RSPO1: variants seen among roughly 807,000 people sequenced by gnomAD.
RSPO1 encodes R-spondin-1.
In RSPO1, 18 loss-of-function variants were observed where a neutral mutation model predicts 26.0. That is an observed-to-expected ratio of 0.69 (90% CI 0.48 to 1.03). The LOEUF is 1.03. Among genes scored for constraint, RSPO1 ranks in the 50% least tolerant of loss-of-function variants. The pLI is 0.00. For synonymous variants in RSPO1, 133 were observed against 137.4 expected (o/e 0.97, Z 0.22); for missense variants, 309 against 352.3 (o/e 0.88, Z 0.98).
intron 5 of RSPO1, 86 bp downstream of exon 5, chr1:37,614,098 G>T: frequency 6.7e-7 from 1 of 1,500,262 alleles, no homozygotes; most frequent in Non-Finnish European, 9.1e-7. Context: ...CAGTGCCCCA[G>T]CCCACCCGCT....
At chr1:37,626,681 G>A (rs553862037) in intron 3 of RSPO1, among the ~76,000 whole-genome samples, 1 of 152,260 alleles carries the variant, frequency 6.6e-6, no homozygotes, top group African/African-American at 2.4e-5. Context: ...TCCAGATGGA[G>A]GATGGGGCAG....
intron 3 of RSPO1, among the ~76,000 whole-genome samples, chr1:37,617,510 T>C (rs541957104): frequency 2.0e-3 from 307 of 151,684 alleles, no homozygotes; most frequent in Non-Finnish European, 2.8e-3. Context: ...ATTACAAAAA[T>C]TAGCCAGGCA....
Position 37,612,511 on chromosome 1 carries a change from T to TGG in RSPO1, c.*243_*244insCC. 1.7e-6 allele frequency: 1 copy of TGG among 585,318 alleles called. No homozygotes were observed. The highest frequency in any genetic ancestry group is 3.1e-6 in the Non-Finnish European group (1 of 324,204). 36.3% of individuals were successfully genotyped at this position (585,318 alleles called of 1,614,324 possible). A position where few individuals can be genotyped will look rare whatever the true frequency, so the allele number is the denominator to read the frequency against. Reference sequence around the variant, plus strand: ...TCTGGTGGCCTCAGGTGTGTGTGTGTGTGTGTGTGTATGTGTGTGTGTGGT... The same window carrying TGG: ...TCTGGTGGCCTCAGGTGTGTGTGTGTGGGTGTGTGTGTATGTGTGTGTGTGGT... On this transcript the variant is annotated 3_prime_UTR_variant, in exon 7 of 7. Transcript: ENST00000356545.
At position 37,624,604 on chromosome 1, in the gene RSPO1, G is replaced by A. The variant is rs1452095171; in HGVS notation, c.94+4964C>T. The stretch of plus-strand genomic sequence containing the variant: ...ATCCTACGCAAAGCCCTTTTAAGTT[G>A]CTGTGGCTATGATGAGGCACTGCTC... On this transcript the variant is annotated intron_variant, in intron 3 of 6. Coordinates refer to ENST00000356545, the MANE Select transcript of RSPO1 (RefSeq NM_001242908.2). 3.9e-5 allele frequency among the ~76,000 whole-genome samples: 6 copies of A among 152,100 alleles called. No homozygotes were observed. The East Asian group carries it at 1.2e-3, about 29-fold the overall frequency.
intron 3 of RSPO1, among the ~76,000 whole-genome samples, chr1:37,619,187 C>T (rs1644162424): frequency 6.6e-6 from 1 of 152,232 alleles, no homozygotes; most frequent in South Asian, 2.1e-4. Flanking sequence ...CGTGCCACTG[C>T]ACTCCAGCCT....
At chr1:37,627,089 T>TATA (rs1644288077) in intron 3 of RSPO1, among the ~76,000 whole-genome samples, 1 of 152,082 alleles carries the variant, frequency 6.6e-6, no homozygotes, top group Non-Finnish European at 1.5e-5. Context: ...AAAACTAGTG[T>TATA]ATAATAGCTC....
rs566222678 is a variant in RSPO1, at chr1:37,612,672, C to T, written c.*83G>A. The T allele has an allele frequency of 2.7e-4, 398 of 1,470,306 alleles. No homozygotes were observed. In the Admixed American group the frequency reaches 5.5e-3, roughly 20 times the overall value. 91.1% of individuals were successfully genotyped at this position (1,470,306 alleles called of 1,614,324 possible). A position where few individuals can be genotyped will look rare whatever the true frequency, so the allele number is the denominator to read the frequency against. ...GGAGTGTGTGTGTATGCTTTGCCCC[C>T]GACGTTCCAGTTCAGGAAAGCTTGA... On this transcript the variant is annotated 3_prime_UTR_variant, in exon 7 of 7. Coordinates refer to ENST00000356545, the MANE Select transcript of RSPO1 (RefSeq NM_001242908.2).
chr1:37,634,524 G>C lies in RSPO1; in HGVS notation c.-356+42C>G, dbSNP rs558805905. 1 of 152,440 alleles carries C rather than the reference G, an allele frequency of 6.6e-6. No homozygotes were observed. Among genetic ancestry groups the C allele is most frequent in the South Asian group, 2.1e-4 (1 of 4,834 alleles). 9.4% of individuals were successfully genotyped at this position (152,440 alleles called of 1,614,324 possible). The stretch of plus-strand genomic sequence containing the variant: ...GCCGCGCCCCAGCTCCCGGGGAAGG[G>C]GGCGCTGGGGAGAAGGATGGGGCAG... On this transcript the variant is annotated intron_variant, in intron 1 of 6. Transcript: ENST00000356545. The surrounding 1 kb of genome is among the most constrained non-coding windows in gnomAD (Gnocchi z 4.7).
Position 37,612,177 on chromosome 1 carries a change from C to A in RSPO1, c.*578G>T. On this transcript the variant is annotated 3_prime_UTR_variant, in exon 7 of 7. Transcript: ENST00000356545. Reference sequence around the variant, plus strand: ...TTTTTTTGTTTTAATTTGAAATAAACCTTTAAGCAGTTTTCAAAGTCAGGT... The same window carrying A: ...TTTTTTTGTTTTAATTTGAAATAAAACTTTAAGCAGTTTTCAAAGTCAGGT... 6.5e-6 allele frequency: 1 copy of A among 154,970 alleles called. No individual in the cohort carries two copies. The highest frequency in any genetic ancestry group is 1.4e-5 in the Non-Finnish European group (1 of 69,844). 9.6% of individuals were successfully genotyped at this position (154,970 alleles called of 1,614,324 possible). A position where few individuals can be genotyped will look rare whatever the true frequency, so the allele number is the denominator to read the frequency against.
In RSPO1 at chr1:37,613,976, G is replaced by A. The variant is rs1016554119; in HGVS notation, c.437-84C>T. On this transcript the variant is annotated intron_variant, in intron 5 of 6. Transcript: ENST00000356545. The surrounding 1 kb of genome is among the most constrained non-coding windows in gnomAD (Gnocchi z 4.5). ...CTCTGGCCCAGAATAGCCCAGGGGA[G>A]CATCTCCCACTTTCCTTCTGCCTGG... is the stretch of plus-strand genomic sequence containing the variant. 115 of 1,488,820 alleles carry A rather than the reference G, an allele frequency of 7.7e-5. No homozygotes were observed. Among genetic ancestry groups the A allele is most frequent in the South Asian group, 2.9e-4 (26 of 88,184 alleles). 92.2% of individuals were successfully genotyped at this position (1,488,820 alleles called of 1,614,324 possible). A position where few individuals can be genotyped will look rare whatever the true frequency, so the allele number is the denominator to read the frequency against.
At chr1:37,627,362 A>G (rs189071171) in intron 3 of RSPO1, among the ~76,000 whole-genome samples, 279 of 150,676 alleles carry the variant, frequency 1.9e-3, no homozygotes, top group Middle Eastern at 7.0e-3. Flanking sequence ...ATTTGCACCC[A>G]GAGTCTACAC....
chr1:37,616,450 GC>G (rs1553120448), intron 4 of RSPO1, 33 bp downstream of exon 4: 2 of 1,604,828 alleles, frequency 1.2e-6, no homozygotes, highest in Non-Finnish European at 1.7e-6. Context: ...AGCTTCTAAT[GC>G]CCCCTGCCCC....
chr1:37,612,744 G>A lies in RSPO1; in HGVS notation c.*11C>T, dbSNP rs967203904. The stretch of plus-strand genomic sequence containing the variant: ...CTCTTTCTGCATGGGCCTGGAGGCT[G>A]GACAGTGTCCCTAGGCAGGCCCTGC... On this transcript the variant is annotated 3_prime_UTR_variant, in exon 7 of 7. Coordinates refer to ENST00000356545, the MANE Select transcript of RSPO1 (RefSeq NM_001242908.2). The A allele has an allele frequency of 6.2e-7, 1 of 1,608,726 alleles. No homozygotes were observed. Among genetic ancestry groups the A allele is most frequent in the Non-Finnish European group, 8.5e-7 (1 of 1,179,882 alleles).
intron 3 of RSPO1, among the ~76,000 whole-genome samples, chr1:37,623,543 G>T (rs575626389): frequency 1.2e-4 from 19 of 152,062 alleles, no homozygotes; most frequent in Non-Finnish European, 2.6e-4. Context: ...AGGAGGAACA[G>T]CCAGTGCAAA....
At chr1:37,633,374 A>C (rs915062006) in intron 1 of RSPO1, among the ~76,000 whole-genome samples, 1 of 152,126 alleles carries the variant, frequency 6.6e-6, no homozygotes, top group Non-Finnish European at 1.5e-5. Context: ...AGGGAGACCA[A>C]AGCGAGAGGC....
chr1:37,613,214 A>G lies in RSPO1; in HGVS notation c.626-293T>C, dbSNP rs1008614309. The stretch of plus-strand genomic sequence containing the variant: ...ATGGATTCCTCAGACCTTGGATCCC[A>G]ATGGACCAAGAGCACTTCCCAGGTA... On this transcript the variant is annotated intron_variant, in intron 6 of 6. Transcript: ENST00000356545. This position sits in a 1 kb window ranked among gnomAD's most constrained non-coding sequence, Gnocchi z 4.5. 1.3e-5 allele frequency among the ~76,000 whole-genome samples: 2 copies of G among 152,220 alleles called. No individual in the cohort carries two copies. The highest frequency in any genetic ancestry group is 4.8e-5 in the African/African-American group (2 of 41,456).
At chr1:37,622,718 G>A (rs1025594504) in intron 3 of RSPO1, among the ~76,000 whole-genome samples, 3 of 152,144 alleles carry the variant, frequency 2.0e-5, no homozygotes, top group African/African-American at 7.2e-5. Flanking sequence ...ACCAGGGCTG[G>A]GAGGAGACAA....
chr1:37,616,673 T>C lies in RSPO1; in HGVS notation c.97A>G (p.Ser33Gly). ...GIKGKRQRRI[S>G]AEGSQACAKG... ...GCACAGGCCTGGCTCCCCTCGGCAC[T>C]GACTGCAAAGGTGGAGCAGGCATGA... The change falls in exon 4 of 7, where the codon AGT becomes GGT. Residue 33 changes from serine (S) to glycine (G), a missense_variant and splice_region_variant. Ser to Gly is a moderately conservative substitution (Grantham distance 56). Coordinates refer to ENST00000356545, the MANE Select transcript of RSPO1 (RefSeq NM_001242908.2). 2 of 1,613,950 alleles carry C rather than the reference T, an allele frequency of 1.2e-6. No homozygotes were observed. Among genetic ancestry groups the C allele is most frequent in the East Asian group, 2.2e-5 (1 of 44,882 alleles).
At chr1:37,618,241 G>A (rs1197133775) in intron 3 of RSPO1, among the ~76,000 whole-genome samples, 3 of 152,230 alleles carry the variant, frequency 2.0e-5, no homozygotes, top group African/African-American at 7.2e-5. Flanking sequence ...TGTGGAGAAA[G>A]GCTACTGTGT....
Sources: allele counts gnomAD v4.1 joint callset (sites outside exome capture counted in the v4.1 genomes callset), GRCh38; gene constraint gnomAD v4.1.1; non-coding constraint Gnocchi (gnomAD v3.1); transcripts MANE v1.5; gene names NCBI Gene and HGNC (gene_info 2026-07-23, HGNC 2026-07-21).